The following PKHD1L1 variants were observed in gnomAD, a reference collection of about 807,000 sequenced individuals.
PKHD1L1 encodes the protein fibrocystin-L.
Under a neutral mutation model 462.9 loss-of-function variants are expected in PKHD1L1, and 434 were observed. That is an observed-to-expected ratio of 0.94 (90% confidence interval 0.87 to 1.02). The LOEUF (loss-of-function observed/expected upper bound fraction) is 1.02. PKHD1L1 is among the 50% of genes least tolerant of loss of function. The pLI, the probability that PKHD1L1 is intolerant of heterozygous loss-of-function variation, is 0.00. For synonymous variants in PKHD1L1, 1,781 were observed against 1,750.0 expected, an observed-to-expected ratio of 1.02 and a Z score of -0.44; for missense variants, 5,202 against 5,096.1, an observed-to-expected ratio of 1.02 and a Z score of -0.63.
intron 73 of PKHD1L1, among the ~76,000 whole-genome samples, chr8:109,520,378 C>T (rs1820488218): frequency 6.6e-6 from 1 of 152,094 alleles, no homozygotes; most frequent in Non-Finnish European, 1.5e-5. Flanking sequence ...AAATTTACCA[C>T]ACTAGCCACT....
intron 30 of PKHD1L1, among the ~76,000 whole-genome samples, chr8:109,436,662 C>T (rs1294120652): frequency 6.6e-6 from 1 of 152,082 alleles, no homozygotes; most frequent in Non-Finnish European, 1.5e-5. Context: ...ATTCAAGATA[C>T]TTAAAATCAT....
Position 109,496,961 on chromosome 8 carries a change from A to T in PKHD1L1, c.10370A>T (p.His3457Leu). Residue 3457 changes from histidine (H) to leucine (L), a missense_variant, in exon 64 of 78, where the codon CAT (histidine) becomes CTT (leucine). Transcript: ENST00000378402. ...GAAAAGTGGTTTGACAATGAAGCCC[A>T]TGGAGGTTTATATGGGATCTATATG... is the stretch of plus-strand genomic sequence containing the variant. ...PVEKWFDNEAHGGLYGIYMNQ... is the reference protein window; with the variant it reads ...PVEKWFDNEALGGLYGIYMNQ... 1 of 1,613,628 alleles carries T rather than the reference A, an allele frequency of 6.2e-7. No homozygotes were observed. The highest frequency in any genetic ancestry group is 8.5e-7 in the Non-Finnish European group (1 of 1,179,590).
intron 9 of PKHD1L1, among the ~76,000 whole-genome samples, chr8:109,391,286 G>A (rs1812699541): frequency 6.6e-6 from 1 of 152,186 alleles, no homozygotes; most frequent in Admixed American, 6.5e-5. Context: ...GTAGGAAGCA[G>A]CATTAGTGTG....
chr8:109,412,254 T>C lies in PKHD1L1; in HGVS notation c.2086-11T>C, dbSNP rs373708814. ...ATCATGTTTTCATTTGAAATATTAT[T>C]GTTTCGGTAGGAACATATTAACAGA... On this transcript the variant is annotated splice_polypyrimidine_tract_variant and intron_variant, in intron 19 of 77. Transcript: ENST00000378402. The C allele has an allele frequency of 1.1e-4, 180 of 1,611,496 alleles. No homozygotes were observed. The highest frequency in any genetic ancestry group is 1.5e-4 in the Non-Finnish European group (175 of 1,178,840).
Position 109,476,555 on chromosome 8 carries a change from C to A in PKHD1L1, c.8805C>A (p.Asp2935Glu). The part of the protein sequence containing the change: ...IISHNFTQNP[D>E]MFNIIDMRNG... ...CACATAACTTCACTCAAAATCCTGA[C>A]ATGTTTAATATTATTGATATGAGGA... Residue 2935 changes from aspartate to glutamate, a missense_variant, in exon 52 of 78, where the codon GAC becomes GAA. By Grantham distance (45) the Asp-to-Glu change is conservative. Transcript: ENST00000378402. The A allele has an allele frequency of 6.5e-7, 1 of 1,539,376 alleles. No individual in the cohort carries two copies. Among genetic ancestry groups the A allele is most frequent in the South Asian group, 1.2e-5 (1 of 84,794 alleles).
intron 53 of PKHD1L1, among the ~76,000 whole-genome samples, chr8:109,477,834 T>C (rs1054878717): frequency 7.2e-5 from 11 of 152,204 alleles, no homozygotes; most frequent in African/African-American, 2.7e-4. Flanking sequence ...TCAAATCTCA[T>C]AATAAAACTT....
intron 2 of PKHD1L1, among the ~76,000 whole-genome samples, chr8:109,373,989 G>A (rs978224173): frequency 1.3e-5 from 2 of 152,154 alleles, no homozygotes; most frequent in Non-Finnish European, 2.9e-5. Context: ...GTTGATTCGT[G>A]GTGGAGAGTT....
At chr8:109,484,661 T>C (rs1024587478) in intron 57 of PKHD1L1, among the ~76,000 whole-genome samples, 3 of 151,902 alleles carry the variant, frequency 2.0e-5, no homozygotes, top group South Asian at 4.1e-4. Flanking sequence ...TAATAAGTGA[T>C]AGTTAATTGT....
chr8:109,406,258 A>C (rs1306252988), intron 16 of PKHD1L1, 77 bp from the exon 17 acceptor site: 2 of 1,367,338 alleles, frequency 1.5e-6, no homozygotes, highest in Non-Finnish European at 2.0e-6. Flanking sequence ...AATACGAGAC[A>C]TCAGTGTTGG....
chr8:109,535,904 G>A lies in PKHD1L1; in HGVS notation c.*5814G>A, dbSNP rs557536538. 6.6e-6 allele frequency among the ~76,000 whole-genome samples: 1 copy of A among 152,300 alleles called. No homozygotes were observed. Among genetic ancestry groups the A allele is most frequent in the South Asian group, 2.1e-4 (1 of 4,826 alleles). Reference sequence around the variant, plus strand: ...CATGAGTAGTACATAAAAGCCTGGAGAGAGAGGGGAAGGATTGTAAGTGTC... The same window carrying A: ...CATGAGTAGTACATAAAAGCCTGGAAAGAGAGGGGAAGGATTGTAAGTGTC... On this transcript the variant is annotated 3_prime_UTR_variant, in exon 78 of 78. Transcript: ENST00000378402.
chr8:109,435,465 A>G (rs1815356014), intron 29 of PKHD1L1, 111 bp downstream of exon 29: 2 of 1,182,118 alleles, frequency 1.7e-6, no homozygotes, highest in Non-Finnish European at 2.3e-6. Flanking sequence ...CCTCTTATAG[A>G]ACAAAGGAAA....
intron 18 of PKHD1L1, among the ~76,000 whole-genome samples, chr8:109,408,939 A>T (rs1813700070): frequency 1.3e-5 from 2 of 152,208 alleles, no homozygotes. Flanking sequence ...GAAAGGGAAG[A>T]TCTTAGGTCT....
At chr8:109,441,415 C>T (rs768716001) in intron 34 of PKHD1L1, 36 bp downstream of exon 34, 1 of 1,141,620 alleles carries the variant, frequency 8.8e-7, no homozygotes, top group Non-Finnish European at 1.3e-6. Flanking sequence ...ATAATGGAAG[C>T]ACTGAAACCT....
rs1472913814 is a variant in PKHD1L1 at position 109,450,875 on chromosome 8, T to C, written c.6176-100T>C. 2.6e-6 allele frequency: 3 copies of C among 1,154,504 alleles called. No individual in the cohort carries two copies. The African/African-American group carries it at 4.6e-5, about 18-fold the overall frequency. 71.5% of individuals were successfully genotyped at this position (1,154,504 alleles called of 1,614,324 possible). ...TAGGTATATTGGAAAAGGAAGATGATTGTGTGAAAAGGAAGATGTTATTGA... is the reference window on the plus strand; with the variant it reads ...TAGGTATATTGGAAAAGGAAGATGACTGTGTGAAAAGGAAGATGTTATTGA... On this transcript the variant is annotated intron_variant, in intron 40 of 77. Transcript: ENST00000378402.
At chr8:109,401,283 G>A (rs189214724) in intron 13 of PKHD1L1, among the ~76,000 whole-genome samples, 8 of 151,944 alleles carry the variant, frequency 5.3e-5, no homozygotes, top group African/African-American at 1.9e-4. Context: ...GTTGATGTTA[G>A]TGAATGGTAG....
intron 9 of PKHD1L1, among the ~76,000 whole-genome samples, chr8:109,393,461 A>G (rs764556704): frequency 6.6e-6 from 1 of 152,246 alleles, no homozygotes; most frequent in Non-Finnish European, 1.5e-5. Flanking sequence ...TTATAGAAGT[A>G]TAAGTGTATA....
At chr8:109,511,952 G>A (rs1284218043) in intron 71 of PKHD1L1, among the ~76,000 whole-genome samples, 1 of 152,206 alleles carries the variant, frequency 6.6e-6, no homozygotes, top group Non-Finnish European at 1.5e-5. Flanking sequence ...CAGTGATGGT[G>A]AGCATTTTTT....
chr8:109,408,128 A>AC lies in PKHD1L1; in HGVS notation c.1896dup (p.Asn633GlnfsTer15). On this transcript the variant is annotated frameshift_variant, in exon 18 of 78. Transcript: ENST00000378402. LOFTEE classifies it high-confidence loss of function. ...ATATTACAGAACAAACCAAAGGAAA[A>AC]CCCAACTTGGAGACATTCACACTGA... 1 of 1,613,322 alleles carries AC rather than the reference A, an allele frequency of 6.2e-7. No individual in the cohort carries two copies. The highest frequency in any genetic ancestry group is 8.5e-7 in the Non-Finnish European group (1 of 1,179,526).
intron 9 of PKHD1L1, among the ~76,000 whole-genome samples, chr8:109,394,170 C>CAAAAAAA (rs146708536): frequency 3.1e-5 from 2 of 63,710 alleles, no homozygotes; most frequent in East Asian, 4.1e-4. Flanking sequence ...GAGACTCTGT[C>CAAAAAAA]AAAAAAAAAA....
Sources: allele counts gnomAD v4.1 joint callset (sites outside exome capture counted in the v4.1 genomes callset), GRCh38; gene constraint gnomAD v4.1.1; transcripts MANE v1.5; gene names NCBI Gene and HGNC (gene_info 2026-07-23, HGNC 2026-07-21).